The following SSBP4 variants were observed in gnomAD, a reference collection of about 807,000 sequenced individuals.
SSBP4 encodes single-stranded DNA-binding protein 4.
Under a neutral mutation model 64.6 loss-of-function variants are expected in SSBP4, and 33 were observed. The ratio of observed to expected loss-of-function variants is 0.51; its 90% confidence interval spans 0.39 to 0.68. SSBP4 has a LOEUF of 0.68. Ranked by LOEUF, SSBP4 falls within the 30% of genes least tolerant of loss-of-function variation. SSBP4 has a pLI of 0.00. For missense variants in SSBP4, 583 were observed against 566.8 expected, an observed-to-expected ratio of 1.03 and a Z score of -0.29; for synonymous variants, 243 against 224.0, an observed-to-expected ratio of 1.08 and a Z score of -0.76.
intron 4 of SSBP4, among the ~76,000 whole-genome samples, chr19:18,429,101 G>A (rs1319614570): frequency 6.7e-6 from 1 of 149,792 alleles, no homozygotes; most frequent in South Asian, 2.1e-4. Context: ...GGCCGCCCAA[G>A]CCCTGGGGTG....
intron 4 of SSBP4, among the ~76,000 whole-genome samples, chr19:18,429,553 G>A (rs979821160): frequency 6.6e-6 from 1 of 151,970 alleles, no homozygotes; most frequent in Non-Finnish European, 1.5e-5. Flanking sequence ...CCCTCCCTGC[G>A]GGGTGGACAG....
upstream of SSBP4, among the ~76,000 whole-genome samples, chr19:18,417,616 G>A (rs1972168201): frequency 6.6e-6 from 1 of 152,196 alleles, no homozygotes; most frequent in Non-Finnish European, 1.5e-5. This position sits in a 1 kb window ranked among gnomAD's most constrained non-coding sequence, Gnocchi z 5.4. Flanking sequence ...CAGGCTCCGG[G>A]GCCGTCGCCA....
chr19:18,424,733 G>GT (rs1351232223), intron 1 of SSBP4, among the ~76,000 whole-genome samples: 1 of 151,998 alleles, frequency 6.6e-6, no homozygotes, highest in African/African-American at 2.4e-5. Flanking sequence ...TTCCTTCGGT[G>GT]TTTTTTTAAA....
intron 17 of SSBP4, 119 bp from the exon 18 acceptor site, chr19:18,434,098 C>T (rs1055728388): frequency 2.7e-6 from 4 of 1,475,552 alleles, no homozygotes; most frequent in Middle Eastern, 1.8e-4. Flanking sequence ...CTCCTGTCCC[C>T]ACCCCATGTC....
In SSBP4 at chr19:18,432,848, G is replaced by A; in HGVS notation, c.806G>A (p.Gly269Glu). The A allele has an allele frequency of 6.2e-7, 1 of 1,613,994 alleles. No individual in the cohort carries two copies. Among genetic ancestry groups the A allele is most frequent in the East Asian group, 2.2e-5 (1 of 44,890 alleles). Residue 269 changes from glycine to glutamate, a missense_variant, in exon 13 of 18, where the codon GGG (glycine) becomes GAG (glutamate). This residue lies in a region of SSBP4 where 444 missense variants were observed against 386.6 expected (regional missense o/e 1.15). Coordinates refer to ENST00000270061, the MANE Select transcript of SSBP4 (RefSeq NM_032627.5). Reference sequence around the variant, plus strand: ...GTGCAGGGACCCCCAGGAGGAGGTGGGCCCCCTGGAACACCCATCATGCCT... The same window carrying A: ...GTGCAGGGACCCCCAGGAGGAGGTGAGCCCCCTGGAACACCCATCATGCCT... ...GSYTGPPGGG[G>E]PPGTPIMPSP...
rs1030991901 is a variant in SSBP4 at position 18,432,650 on chromosome 19, A to C, written c.750+46A>C. ...GCAGGCTTGGGGTGGGGTGGGAGGGACACTGGGTGAGCCGCCTGGCTGACT... is the reference window on the plus strand; with the variant it reads ...GCAGGCTTGGGGTGGGGTGGGAGGGCCACTGGGTGAGCCGCCTGGCTGACT... On this transcript the variant is annotated intron_variant, in intron 11 of 17. Transcript: ENST00000270061. The C allele has an allele frequency of 2.6e-6, 4 of 1,552,790 alleles. No homozygotes were observed. In the African/African-American group the frequency reaches 5.5e-5, roughly 21 times the overall value.
At chr19:18,428,442 G>A (rs1409350452) in intron 4 of SSBP4, among the ~76,000 whole-genome samples, 1 of 152,130 alleles carries the variant, frequency 6.6e-6, no homozygotes, top group Non-Finnish European at 1.5e-5. Flanking sequence ...ACCTTGCCAG[G>A]TATCTGGAGC....
Position 18,426,546 on chromosome 19 carries a change from G to C in SSBP4, c.60-805G>C, listed in dbSNP as rs1250209737. ...TGCTCTCTGGTGTGGCAGCTGGACTGGAGCGGGGTGGACAGTCCGGCCTCC... is the reference window on the plus strand; with the variant it reads ...TGCTCTCTGGTGTGGCAGCTGGACTCGAGCGGGGTGGACAGTCCGGCCTCC... On this transcript the variant is annotated intron_variant, in intron 1 of 17. Transcript: ENST00000270061. This position sits in a 1 kb window ranked among gnomAD's most constrained non-coding sequence, Gnocchi z 4.5. Among the ~76,000 whole-genome samples the C allele has an allele frequency of 6.6e-6, 1 of 152,296 alleles. No individual in the cohort carries two copies. The highest frequency in any genetic ancestry group is 1.9e-4 in the East Asian group (1 of 5,188).
the SSBP4 span, among the ~76,000 whole-genome samples, chr19:18,411,690 G>A: frequency 6.6e-6 from 1 of 152,240 alleles, no homozygotes; most frequent in South Asian, 2.1e-4. Flanking sequence ...GGGATGACCT[G>A]GATGCATTTA....
At chr19:18,430,524 G>A (rs1222023960) in intron 4 of SSBP4, among the ~76,000 whole-genome samples, 2 of 152,196 alleles carry the variant, frequency 1.3e-5, no homozygotes, top group Non-Finnish European at 2.9e-5. Context: ...ATATTTGTGT[G>A]TATGTTTATT....
rs114168957 is a variant in SSBP4 at position 18,429,060 on chromosome 19, G to A, written c.279+1078G>A. 8.8e-3 allele frequency among the ~76,000 whole-genome samples: 1,343 copies of A among 152,288 alleles called. 25 individuals carry two copies. The highest frequency in any genetic ancestry group is 0.03 in the African/African-American group (1,263 of 41,560). ...CAGCGGTTACCATGGCAGCGCCGGC[G>A]CAGAGCGTAGACCGCAGGGCCCAGG... On this transcript the variant is annotated intron_variant, in intron 4 of 17. Transcript: ENST00000270061.
chr19:18,427,450 T>G lies in SSBP4; in HGVS notation c.132+27T>G, dbSNP rs753965808. 8.1e-6 allele frequency: 13 copies of G among 1,605,186 alleles called. No homozygotes were observed. The highest frequency in any genetic ancestry group is 6.6e-5 in the South Asian group (6 of 90,770). On this transcript the variant is annotated intron_variant, in intron 2 of 17. Transcript: ENST00000270061. The surrounding 1 kb of genome is among the most constrained non-coding windows in gnomAD (Gnocchi z 4.4). ...TAAGCCACCACCTCCAGGCTGGCCC[T>G]CCCTCCTCACCCACACTCCGGGGGT...
chr19:18,419,643 A>AT lies in SSBP4; in HGVS notation c.-6_-5insT. ...GTGGGCCCCGGCGGCGGCGGCGTGGAGCAGCATGTACGCCAAGGGGGGCAA... is the reference window on the plus strand; with the variant it reads ...GTGGGCCCCGGCGGCGGCGGCGTGGATGCAGCATGTACGCCAAGGGGGGCAA... On this transcript the variant is annotated 5_prime_UTR_variant, in exon 1 of 18. In the 5' UTR this introduces an upstream ATG that the reference lacks. Transcript: ENST00000270061. 7.9e-7 allele frequency: 1 copy of AT among 1,261,114 alleles called. No individual in the cohort carries two copies. Among genetic ancestry groups the AT allele is most frequent in the South Asian group, 2.1e-5 (1 of 47,848 alleles). The allele number at this position is 1,261,114 out of a possible 1,614,324, so 78.1% of individuals were successfully genotyped here.
chr19:18,424,522 G>A (rs1444254492), intron 1 of SSBP4, among the ~76,000 whole-genome samples: 1 of 151,850 alleles, frequency 6.6e-6, no homozygotes. Flanking sequence ...GGGAAACAGT[G>A]CGCAGAGGCC....
At chr19:18,428,110 A>G in intron 4 of SSBP4, 128 bp downstream of exon 4, 1 of 1,073,036 alleles carries the variant, frequency 9.3e-7, no homozygotes, top group Non-Finnish European at 1.3e-6. Flanking sequence ...TGGGGTTGAC[A>G]GGCAGAGCTG....
chr19:18,404,309 C>T, the SSBP4 span, among the ~76,000 whole-genome samples: 1,592 of 152,036 alleles, frequency 0.01, 37 homozygotes, highest in African/African-American at 0.036. Context: ...TCAGAGACAT[C>T]CAGGCTGGGC....
At chr19:18,420,847 T>A (rs1249306993) in intron 1 of SSBP4, among the ~76,000 whole-genome samples, 3 of 141,850 alleles carry the variant, frequency 2.1e-5, no homozygotes, top group African/African-American at 8.1e-5. Flanking sequence ...CCAGATTCCA[T>A]CTCAAAAAAA....
rs1051314605 is a variant in SSBP4, at chr19:18,434,519, G to T, written c.*273G>T. The T allele has an allele frequency of 1.7e-6, 1 of 601,596 alleles. No individual in the cohort carries two copies. Among genetic ancestry groups the T allele is most frequent in the African/African-American group, 1.9e-5 (1 of 53,290 alleles). 37.3% of individuals were successfully genotyped at this position (601,596 alleles called of 1,614,324 possible). ...GGCCCCTCTCCCCAGGACGTCAGGG[G>T]GTGGGGCCCATAAATAAATGGAAGC... On this transcript the variant is annotated 3_prime_UTR_variant, in exon 18 of 18. Transcript: ENST00000270061.
At chr19:18,419,810 G>A (rs1972301657) in intron 1 of SSBP4, 103 bp downstream of exon 1, 3 of 848,682 alleles carry the variant, frequency 3.5e-6, no homozygotes, top group Non-Finnish European at 2.9e-6. Flanking sequence ...GGCGGGGAGC[G>A]CGAGCCTGAG....
Sources: allele counts gnomAD v4.1 joint callset (sites outside exome capture counted in the v4.1 genomes callset), GRCh38; gene constraint gnomAD v4.1.1; regional missense constraint gnomAD v4.1.1; non-coding constraint Gnocchi (gnomAD v3.1); transcripts MANE v1.5; gene names NCBI Gene and HGNC (gene_info 2026-07-23, HGNC 2026-07-21).